Variants in VPS13B observed in about 807,000 individuals in gnomAD.
VPS13B encodes the protein intermembrane lipid transfer protein VPS13B.
A neutral mutation model predicts 426.4 loss-of-function variants in VPS13B; 285 were observed. The observed-to-expected ratio is 0.67, with a 90% CI of 0.61 to 0.74. The LOEUF is 0.74. Among genes scored for constraint, VPS13B ranks in the 30% least tolerant of loss-of-function variants. The probability of loss-of-function intolerance (pLI) is 0.00; values close to 1 mark genes in which losing one functional copy is unlikely to be tolerated. For missense variants in VPS13B, 4,537 were observed against 4,782.6 expected, an observed-to-expected ratio of 0.95 and a Z score of 1.51; for synonymous variants, 1,676 against 1,676.4, an observed-to-expected ratio of 1.00 and a Z score of 0.01.
At chr8:99,084,759 T>G (rs1343751528) in intron 3 of VPS13B, among the ~76,000 whole-genome samples, 1 of 152,198 alleles carries the variant, frequency 6.6e-6, no homozygotes, top group Non-Finnish European at 1.5e-5. Context: ...TGTAGTTGAG[T>G]GGCTTTGAGT....
chr8:99,823,824 T>C lies in VPS13B; in HGVS notation c.9184-8T>C, dbSNP rs1385258586. 1 of 1,612,870 alleles carries C rather than the reference T, an allele frequency of 6.2e-7. No individual in the cohort carries two copies. Among genetic ancestry groups the C allele is most frequent in the African/African-American group, 1.3e-5 (1 of 74,892 alleles). On this transcript the variant is annotated splice_region_variant and splice_polypyrimidine_tract_variant and intron_variant, in intron 50 of 61. Coordinates refer to ENST00000357162, the MANE Select transcript of VPS13B (RefSeq NM_152564.5). The stretch of plus-strand genomic sequence containing the variant: ...TGTCAAAATTATTTTTTCTCAATTA[T>C]CTTGTAGTTATGTCAGTTCTGCATT...
At chr8:99,112,436 T>C (rs1274804160) in intron 6 of VPS13B, among the ~76,000 whole-genome samples, 1 of 152,214 alleles carries the variant, frequency 6.6e-6, no homozygotes, top group Non-Finnish European at 1.5e-5. Context: ...TTACTGTACT[T>C]AATATGTAAA....
rs201395886 is a variant in VPS13B at position 99,854,288 on chromosome 8, C to G, written c.10867+32C>G. On this transcript the variant is annotated intron_variant, in intron 56 of 61. Transcript: ENST00000357162. ...ACACAAGCTGAGGGTCTGTGATGAGCTAGAGCCCGGGTAGAAATGACACGC... is the reference window on the plus strand; with the variant it reads ...ACACAAGCTGAGGGTCTGTGATGAGGTAGAGCCCGGGTAGAAATGACACGC... The G allele has an allele frequency of 3.4e-4, 546 of 1,605,132 alleles. 1 individual carries two copies. In the African/African-American group the frequency reaches 6.2e-3, roughly 18 times the overall value.
Position 99,871,121 on chromosome 8 carries a change from T to A in VPS13B, c.11495+234T>A, listed in dbSNP as rs1817385980. Reference sequence around the variant, plus strand: ...TCCGTACCTAACCACTCAAGGAAGGTCATACATTGGCAGAGAAACCCAGTC... The same window carrying A: ...TCCGTACCTAACCACTCAAGGAAGGACATACATTGGCAGAGAAACCCAGTC... On this transcript the variant is annotated intron_variant, in intron 60 of 61. Transcript: ENST00000357162. The A allele has an allele frequency of 6.6e-6, 4 of 604,374 alleles. No homozygotes were observed. The South Asian group carries it at 7.9e-5, about 12-fold the overall frequency. The allele number at this position is 604,374 out of a possible 1,614,324, so 37.4% of individuals were successfully genotyped here.
intron 17 of VPS13B, among the ~76,000 whole-genome samples, chr8:99,251,294 T>A (rs1817494343): frequency 6.6e-6 from 1 of 152,178 alleles, no homozygotes; most frequent in Non-Finnish European, 1.5e-5. Context: ...ATTTTAGGTG[T>A]TTTTGTAGAT....
intron 12 of VPS13B, among the ~76,000 whole-genome samples, chr8:99,137,540 A>AG (rs1810139222): frequency 6.6e-6 from 1 of 152,122 alleles, no homozygotes. Context: ...GTAAAAAAAA[A>AG]AAAAAATGAC....
intron 33 of VPS13B, among the ~76,000 whole-genome samples, chr8:99,597,980 A>G (rs1306258873): frequency 6.6e-6 from 1 of 152,072 alleles, no homozygotes; most frequent in African/African-American, 2.4e-5. Context: ...TGTTCCTAGA[A>G]GTAGAAAAAA....
intron 33 of VPS13B, among the ~76,000 whole-genome samples, chr8:99,624,453 G>A (rs1355454916): frequency 3.3e-5 from 5 of 152,064 alleles, no homozygotes; most frequent in African/African-American, 1.2e-4. Context: ...GTGAATAATG[G>A]TTGCATCATT....
chr8:99,305,442 A>G (rs866914993), intron 19 of VPS13B, among the ~76,000 whole-genome samples: 23 of 152,266 alleles, frequency 1.5e-4, no homozygotes, highest in Non-Finnish European at 2.8e-4. Flanking sequence ...ATGCAAATGC[A>G]ACACCATTTT....
intron 30 of VPS13B, among the ~76,000 whole-genome samples, chr8:99,547,059 G>T (rs1824020673): frequency 6.6e-6 from 1 of 152,028 alleles, no homozygotes; most frequent in East Asian, 1.9e-4. Context: ...GAGATACATT[G>T]TTCAAAGTTA....
In VPS13B at chr8:99,474,183, A is replaced by ATTTTTTTTTTTTTTTTTTTTTT. The variant is rs34752686; in HGVS notation, c.3666+6569_3666+6570insTTTTTTTTTTTTTTTTTTTTTT. 5.4e-4 allele frequency among the ~76,000 whole-genome samples: 67 copies of ATTTTTTTTTTTTTTTTTTTTTT among 124,958 alleles called. 3 individuals are homozygous for ATTTTTTTTTTTTTTTTTTTTTT. The highest frequency in any genetic ancestry group is 1.6e-3 in the African/African-American group (49 of 30,746). 82.0% of individuals were successfully genotyped at this position (124,958 alleles called of 152,430 possible). A position where few individuals can be genotyped will look rare whatever the true frequency, so the allele number is the denominator to read the frequency against. On this transcript the variant is annotated intron_variant, in intron 24 of 61. Coordinates refer to ENST00000357162, the MANE Select transcript of VPS13B (RefSeq NM_152564.5). ...TCTTCAAACAATGGACTGTTATCCA[A>ATTTTTTTTTTTTTTTTTTTTTT]TTTTTTTTTTTTTTTTTTTTGTGGA... is the stretch of plus-strand genomic sequence containing the variant.
At chr8:99,078,596 T>C (rs1421247336) in intron 3 of VPS13B, among the ~76,000 whole-genome samples, 1 of 152,126 alleles carries the variant, frequency 6.6e-6, no homozygotes. Flanking sequence ...GTGTGGCATA[T>C]GCAGGTGATT....
chr8:99,754,891 G>T (rs923493965), intron 39 of VPS13B, among the ~76,000 whole-genome samples: 1 of 151,998 alleles, frequency 6.6e-6, no homozygotes, highest in Non-Finnish European at 1.5e-5. Flanking sequence ...CAACCCCCAT[G>T]CCCCCACTCC....
At chr8:99,633,792 G>A (rs1326929641) in intron 33 of VPS13B, among the ~76,000 whole-genome samples, 1 of 139,694 alleles carries the variant, frequency 7.2e-6, no homozygotes, top group Admixed American at 7.4e-5. Flanking sequence ...GGTCCAAGTT[G>A]CCAGAATGTG....
chr8:99,650,501 A>T (rs530128217), intron 34 of VPS13B, among the ~76,000 whole-genome samples: 1 of 152,342 alleles, frequency 6.6e-6, no homozygotes, highest in Admixed American at 6.5e-5. Flanking sequence ...GATGTCCCTT[A>T]TCCATAGGGA....
At chr8:99,059,849 C>T (rs1844083425) in intron 3 of VPS13B, among the ~76,000 whole-genome samples, 2 of 150,778 alleles carry the variant, frequency 1.3e-5, no homozygotes, top group Non-Finnish European at 2.9e-5. Flanking sequence ...TCTCCTGCCT[C>T]AGCCTCCCAA....
chr8:99,013,342 T>A lies in VPS13B; in HGVS notation c.-35T>A, dbSNP rs1841419782. On this transcript the variant is annotated 5_prime_UTR_variant, in exon 1 of 62. Coordinates refer to ENST00000357162, the MANE Select transcript of VPS13B (RefSeq NM_152564.5). The stretch of plus-strand genomic sequence containing the variant: ...AGGTGGAGGGGACGCGGCGGTACTC[T>A]GGCGTGTGAGCCGAGGGTGGAGTGC... 1 of 275,552 alleles carries A rather than the reference T, an allele frequency of 3.6e-6. No individual in the cohort carries two copies. Among genetic ancestry groups the A allele is most frequent in the African/African-American group, 2.2e-5 (1 of 45,360 alleles). 17.1% of individuals were successfully genotyped at this position (275,552 alleles called of 1,614,324 possible). A position where few individuals can be genotyped will look rare whatever the true frequency, so the allele number is the denominator to read the frequency against.
In VPS13B at chr8:99,344,289, A is replaced by G. The variant is rs568939653; in HGVS notation, c.2825-39919A>G. On this transcript the variant is annotated intron_variant, in intron 19 of 61. Coordinates refer to ENST00000357162, the MANE Select transcript of VPS13B (RefSeq NM_152564.5). ...TGGAATTGGATCCTTATCTCAAACC[A>G]TATACAAAAATCAAGTCAAAAATGG... 2.6e-5 allele frequency among the ~76,000 whole-genome samples: 4 copies of G among 152,362 alleles called. No individual in the cohort carries two copies. The East Asian group carries it at 5.8e-4, about 22-fold the overall frequency.
At chr8:99,666,633 A>T (rs976369771) in intron 35 of VPS13B, among the ~76,000 whole-genome samples, 1 of 152,192 alleles carries the variant, frequency 6.6e-6, no homozygotes, top group East Asian at 1.9e-4. Context: ...AACTCTCAAT[A>T]AATTAGGTAT....
Sources: allele counts gnomAD v4.1 joint callset (sites outside exome capture counted in the v4.1 genomes callset), GRCh38; gene constraint gnomAD v4.1.1; transcripts MANE v1.5; gene names NCBI Gene and HGNC (gene_info 2026-07-23, HGNC 2026-07-21).